OR2V2: variants seen among roughly 807,000 people sequenced by gnomAD.
The protein encoded by OR2V2 is olfactory receptor 2V2.
For missense variants in OR2V2, 392 were observed against 392.2 expected (o/e 1.00, Z 0.00); for synonymous variants, 161 against 151.3 (o/e 1.06, Z -0.47).
intron 1 of OR2V2, among the ~76,000 whole-genome samples, chr5:181,153,425 A>G (rs2113346835): frequency 6.6e-6 from 1 of 152,228 alleles, no homozygotes. Context: ...GGTGGCTCAC[A>G]CCTGTAATCC....
intron 1 of OR2V2, among the ~76,000 whole-genome samples, chr5:181,148,771 A>G (rs1048737761): frequency 1.2e-4 from 19 of 152,096 alleles, no homozygotes; most frequent in Admixed American, 1.2e-3. Flanking sequence ...GGGAGGGAGG[A>G]GGAAGGATTT....
At position 181,155,975 on chromosome 5, in the gene OR2V2, T is replaced by G; in HGVS notation, c.*85T>G. ...AATTCTCTCATTTTCAGTCTTGGTT[T>G]CCTCGTGAATTATGATGATTGTGAC... On this transcript the variant is annotated 3_prime_UTR_variant, in exon 2 of 2. Transcript: ENST00000641492. The G allele has an allele frequency of 1.5e-6, 2 of 1,294,866 alleles. No individual in the cohort carries two copies. The highest frequency in any genetic ancestry group is 1.1e-6 in the Non-Finnish European group (1 of 943,766). 80.2% of individuals were successfully genotyped at this position (1,294,866 alleles called of 1,614,324 possible).
chr5:181,148,183 C>T (rs1763148716), intron 1 of OR2V2, among the ~76,000 whole-genome samples, 188 bp downstream of exon 1: 1 of 152,204 alleles, frequency 6.6e-6, no homozygotes, highest in Non-Finnish European at 1.5e-5. Context: ...TCTCTCCTCA[C>T]TCTTCTCGTC....
rs779843904 is a variant in OR2V2 at position 181,155,706 on chromosome 5, C to A, written c.764C>A (p.Ala255Glu). The A allele has an allele frequency of 8.1e-6, 13 of 1,614,228 alleles. No individual in the cohort carries two copies. Among genetic ancestry groups the A allele is most frequent in the Non-Finnish European group, 1.0e-5 (12 of 1,180,046 alleles). Residue 255 changes from alanine (A) to glutamate (E), a missense_variant, in exon 2 of 2, where the codon GCA becomes GAA. By Grantham distance (107) the Ala-to-Glu change is moderately radical. Coordinates refer to ENST00000641492, the MANE Select transcript of OR2V2 (RefSeq NM_206880.2). ...HLTAVTLFYG[A>E]AMFIYLRPRH... The stretch of plus-strand genomic sequence containing the variant: ...ACAGCTGTCACCCTCTTCTATGGGG[C>A]AGCCATGTTCATCTACCTGAGGCCT...
At chr5:181,148,019 GT>G (rs1168696148) in intron 1 of OR2V2, 24 bp downstream of exon 1, 3 of 398,744 alleles carry the variant, frequency 7.5e-6, no homozygotes, top group Non-Finnish European at 8.8e-6. Flanking sequence ...TTGTCCTGTC[GT>G]CCCCTCTCTC....
rs757469535 is a variant in OR2V2 at position 181,155,601 on chromosome 5, C to T, written c.659C>T (p.Ala220Val). Residue 220 changes from alanine (A) to valine (V), a missense_variant, in exon 2 of 2, where the codon GCT becomes GTT. Transcript: ENST00000641492. ...TTCTCCATCATCGTGGCCTCCTATG[C>T]TCACATTCTAGGGACTGTGCTGCAA... ...FPFSIIVASY[A>V]HILGTVLQMH... The T allele has an allele frequency of 6.2e-7, 1 of 1,614,216 alleles. No individual in the cohort carries two copies. The highest frequency in any genetic ancestry group is 1.7e-5 in the Admixed American group (1 of 60,024).
At chr5:181,153,310 T>C (rs1279172857) in intron 1 of OR2V2, among the ~76,000 whole-genome samples, 1 of 152,218 alleles carries the variant, frequency 6.6e-6, no homozygotes, top group Non-Finnish European at 1.5e-5. Flanking sequence ...TTTTTTAATA[T>C]ACATGATGTG....
At chr5:181,153,115 A>G (rs1201385728) in intron 1 of OR2V2, among the ~76,000 whole-genome samples, 2 of 152,178 alleles carry the variant, frequency 1.3e-5, no homozygotes, top group Non-Finnish European at 2.9e-5. Context: ...TAGAACATGA[A>G]AAGGCCTAAG....
At position 181,156,098 on chromosome 5, in the gene OR2V2, C is replaced by CGT. The variant is rs1322390769; in HGVS notation, c.*208_*209insGT. 2.2e-6 allele frequency: 1 copy of CGT among 463,224 alleles called. No homozygotes were observed. The allele number at this position is 463,224 out of a possible 1,614,324, so 28.7% of individuals were successfully genotyped here. A position where few individuals can be genotyped will look rare whatever the true frequency, so the allele number is the denominator to read the frequency against. On this transcript the variant is annotated 3_prime_UTR_variant, in exon 2 of 2. Coordinates refer to ENST00000641492, the MANE Select transcript of OR2V2 (RefSeq NM_206880.2). ...TTGTTCTTTCTTTCGTTCTTTCTTT[C>CGT]TCTTCCTCTTTCTCTTTCTTTCTTT...
At chr5:181,154,804 A>T (rs1763235918) in intron 1 of OR2V2, 115 bp from the exon 2 acceptor site, 4 of 676,170 alleles carry the variant, frequency 5.9e-6, no homozygotes, top group Middle Eastern at 3.7e-4. Context: ...TATGTCCCAA[A>T]GCTTCAGTTG....
At chr5:181,153,214 G>A (rs940134511) in intron 1 of OR2V2, among the ~76,000 whole-genome samples, 3 of 152,198 alleles carry the variant, frequency 2.0e-5, no homozygotes, top group East Asian at 1.9e-4. Flanking sequence ...GTCGGAATAC[G>A]GTGATGTTTT....
Position 181,157,484 on chromosome 5 carries a change from G to A in OR2V2, c.*1594G>A, listed in dbSNP as rs1335414925. 1 of 152,256 alleles carries A rather than the reference G, an allele frequency of 6.6e-6. No homozygotes were observed. Among genetic ancestry groups the A allele is most frequent in the Non-Finnish European group, 1.5e-5 (1 of 68,042 alleles). 9.4% of individuals were successfully genotyped at this position (152,256 alleles called of 1,614,324 possible). ...TGGTTTGTCAGCGCAGCTGAGATGA[G>A]CAAACAACTTCGGAGGAGGCTCCTT... On this transcript the variant is annotated 3_prime_UTR_variant, in exon 2 of 2. Transcript: ENST00000641492.
At chr5:181,150,733 T>A (rs1353084804) in intron 1 of OR2V2, among the ~76,000 whole-genome samples, 1 of 152,104 alleles carries the variant, frequency 6.6e-6, no homozygotes, top group Non-Finnish European at 1.5e-5. Context: ...CCCAGCACTT[T>A]GGGAGGCCGA....
chr5:181,155,877 G>A lies in OR2V2; in HGVS notation c.935G>A (p.Gly312Asp). 6.2e-7 allele frequency: 1 copy of A among 1,612,874 alleles called. No homozygotes were observed. The highest frequency in any genetic ancestry group is 8.5e-7 in the Non-Finnish European group (1 of 1,179,086). Reference sequence around the variant, plus strand: ...AAGGGGCTGGACCGCTGCAGGATCGGCAGCCAGCACTGAACCCAGGGCATC... The same window carrying A: ...AAGGGGCTGGACCGCTGCAGGATCGACAGCCAGCACTGAACCCAGGGCATC... ...LRKGLDRCRI[G>D]SQH is the part of the protein sequence containing the mutation. The change falls in exon 2 of 2, where the codon GGC (glycine) becomes GAC (aspartate). Residue 312 changes from glycine (G) to aspartate (D), a missense_variant. Transcript: ENST00000641492.
At position 181,155,153 on chromosome 5, in the gene OR2V2, G is replaced by T; in HGVS notation, c.211G>T (p.Asp71Tyr). The change falls in exon 2 of 2, where the codon GAC becomes TAC. Residue 71 changes from aspartate to tyrosine, a missense_variant. Coordinates refer to ENST00000641492, the MANE Select transcript of OR2V2 (RefSeq NM_206880.2). The part of the protein sequence containing the change: ...YFFLSQLSLM[D>Y]LMLVCTNVPK... ...CTTCCTCAGCCAGCTCTCCCTCATG[G>T]ACCTCATGTTGGTCTGTACCAATGT... 6.2e-7 allele frequency: 1 copy of T among 1,614,114 alleles called. No individual in the cohort carries two copies. Among genetic ancestry groups the T allele is most frequent in the Non-Finnish European group, 8.5e-7 (1 of 1,180,032 alleles).
intron 1 of OR2V2, among the ~76,000 whole-genome samples, chr5:181,149,395 G>A (rs974762154): frequency 6.6e-6 from 1 of 152,196 alleles, no homozygotes; most frequent in South Asian, 2.1e-4. Context: ...AGGAGGACAG[G>A]ACAAGTGTTT....
At chr5:181,153,023 C>T (rs898715988) in intron 1 of OR2V2, among the ~76,000 whole-genome samples, 3 of 152,232 alleles carry the variant, frequency 2.0e-5, no homozygotes, top group East Asian at 3.8e-4. Flanking sequence ...TGCAGTGCTG[C>T]GCTACTTACA....
intron 1 of OR2V2, among the ~76,000 whole-genome samples, chr5:181,150,762 G>A (rs6887158): frequency 0.045 from 6,803 of 152,156 alleles, 333 homozygotes; most frequent in African/African-American, 0.12. Flanking sequence ...GATTGCTTGA[G>A]ATCAGGAGTT....
chr5:181,151,517 C>G (rs1302711385), intron 1 of OR2V2, among the ~76,000 whole-genome samples: 2 of 152,188 alleles, frequency 1.3e-5, no homozygotes, highest in African/African-American at 2.4e-5. Context: ...AAGGGATCGT[C>G]TGGTGGGGTC....
Sources: gnomAD v4.1 joint callset for allele counts (sites outside exome capture counted in the v4.1 genomes callset) on GRCh38, gnomAD v4.1.1 for gene constraint, MANE v1.5 for transcripts, NCBI Gene and HGNC (gene_info 2026-07-23, HGNC 2026-07-21) for gene names.